MNAT1: variants seen among roughly 807,000 people sequenced by gnomAD.
MNAT1 encodes CDK-activating kinase assembly factor MAT1.
A neutral mutation model predicts 42.0 loss-of-function variants in MNAT1; 43 were observed. The observed-to-expected ratio is 1.02, with a 90% CI of 0.80 to 1.32. The LOEUF is 1.32. Among genes scored for constraint, MNAT1 ranks in the 40% most tolerant of loss-of-function variants. The pLI is 0.00. For missense variants in MNAT1, 306 were observed against 350.4 expected (o/e 0.87, Z 1.01); for synonymous variants, 118 against 120.0 (o/e 0.98, Z 0.11).
At chr14:60,829,763 G>C (rs879318120) in intron 6 of MNAT1, among the ~76,000 whole-genome samples, 1 of 152,168 alleles carries the variant, frequency 6.6e-6, no homozygotes, top group Admixed American at 6.5e-5. Flanking sequence ...TCTTAGCCTA[G>C]GATGTAGAAA....
rs78955844 is a variant in MNAT1, at chr14:60,794,071, T to G, written c.90-2146T>G. 2.9e-3 allele frequency among the ~76,000 whole-genome samples: 436 copies of G among 152,304 alleles called. 2 individuals carry two copies. The highest frequency in any genetic ancestry group is 0.01 in the African/African-American group (428 of 41,566). ...TTCTATATTACCTTGCTGACTAAAC[T>G]ATTGATTGAGTCTAATCTCCAAGAC... is the stretch of plus-strand genomic sequence containing the variant. On this transcript the variant is annotated intron_variant, in intron 1 of 7. Coordinates refer to ENST00000261245, the MANE Select transcript of MNAT1 (RefSeq NM_002431.4).
intron 7 of MNAT1, among the ~76,000 whole-genome samples, chr14:60,898,927 TTTTGTA>T (rs1281265009): frequency 6.6e-6 from 1 of 152,172 alleles, no homozygotes; most frequent in African/African-American, 2.4e-5. Flanking sequence ...TTGAGTTGAT[TTTTGTA>T]TATGGTGAGA....
intron 7 of MNAT1, among the ~76,000 whole-genome samples, chr14:60,908,242 T>C (rs531779581): frequency 1.2e-4 from 18 of 152,224 alleles, no homozygotes; most frequent in African/African-American, 4.3e-4. Context: ...AATTTTTTTA[T>C]TGGAATAATT....
chr14:60,922,706 G>A (rs1431500436), intron 7 of MNAT1, among the ~76,000 whole-genome samples: 2 of 152,050 alleles, frequency 1.3e-5, no homozygotes, highest in Non-Finnish European at 2.9e-5. Context: ...TTTCTCTTAA[G>A]GCTAGGAAAT....
intron 6 of MNAT1, among the ~76,000 whole-genome samples, chr14:60,829,274 T>C (rs1013164406): frequency 2.0e-5 from 3 of 152,100 alleles, no homozygotes; most frequent in Admixed American, 6.6e-5. Flanking sequence ...TACCAGGAAA[T>C]GGGATGAAAA....
At chr14:60,809,549 A>G (rs532484183) in intron 4 of MNAT1, among the ~76,000 whole-genome samples, 1 of 152,216 alleles carries the variant, frequency 6.6e-6, no homozygotes, top group Non-Finnish European at 1.5e-5. Context: ...GGTATTACAG[A>G]TGTGAGCCAC....
At chr14:60,892,035 A>C (rs1044546975) in intron 7 of MNAT1, among the ~76,000 whole-genome samples, 3 of 152,092 alleles carry the variant, frequency 2.0e-5, no homozygotes, top group Non-Finnish European at 4.4e-5. Context: ...CAATTTTTTA[A>C]AAATTTATTA....
chr14:60,943,053 C>CTTTTTTT (rs377454616), intron 7 of MNAT1, among the ~76,000 whole-genome samples: 1 of 53,102 alleles, frequency 1.9e-5, no homozygotes. Context: ...TGTGTGTGCG[C>CTTTTTTT]TTTTTTTTTT....
chr14:60,879,488 A>G (rs2139462253), intron 6 of MNAT1, among the ~76,000 whole-genome samples: 1 of 152,308 alleles, frequency 6.6e-6, no homozygotes, highest in South Asian at 2.1e-4. Context: ...CTAAATCTGA[A>G]TTTAATGATG....
At position 60,909,151 on chromosome 14, in the gene MNAT1, C is replaced by T. The variant is rs534939828; in HGVS notation, c.809+29316C>T. Among the ~76,000 whole-genome samples the T allele has an allele frequency of 2.0e-5, 3 of 152,310 alleles. No individual in the cohort carries two copies. In the East Asian group the frequency reaches 5.8e-4, roughly 29 times the overall value. ...GAGAAGTGTGTGTTCATATCCTTCA[C>T]CCACTTTTTGATGGGGTTTTTTGTT... is the stretch of plus-strand genomic sequence containing the variant. On this transcript the variant is annotated intron_variant, in intron 7 of 7. Transcript: ENST00000261245.
At chr14:60,918,311 C>A (rs540194284) in intron 7 of MNAT1, among the ~76,000 whole-genome samples, 22 of 147,382 alleles carry the variant, frequency 1.5e-4, no homozygotes, top group African/African-American at 5.2e-4. Context: ...CGGGTTCACG[C>A]CATTCTCCTG....
intron 7 of MNAT1, among the ~76,000 whole-genome samples, chr14:60,937,062 T>C (rs1193141213): frequency 6.6e-6 from 1 of 151,786 alleles, no homozygotes; most frequent in Non-Finnish European, 1.5e-5. Context: ...CACCCACTTG[T>C]TGATGGGGTT....
chr14:60,816,140 C>T (rs1281150614), intron 5 of MNAT1, among the ~76,000 whole-genome samples: 3 of 151,786 alleles, frequency 2.0e-5, no homozygotes, highest in African/African-American at 4.8e-5. Context: ...AATTTTTTTC[C>T]TCCTGTTTTT....
At position 60,907,918 on chromosome 14, in the gene MNAT1, T is replaced by A. The variant is rs144900857; in HGVS notation, c.809+28083T>A. ...GCCAAACTCATCCTTATCACTAAGA[T>A]ATTTCCTAGTTATCTGAATATCTGT... On this transcript the variant is annotated intron_variant, in intron 7 of 7. Transcript: ENST00000261245. Among the ~76,000 whole-genome samples the A allele has an allele frequency of 1.6e-3, 242 of 152,128 alleles. 2 individuals are homozygous for A. The highest frequency in any genetic ancestry group is 2.8e-3 in the Non-Finnish European group (189 of 68,000).
At chr14:60,760,176 C>T (rs1358709595) in intron 1 of MNAT1, among the ~76,000 whole-genome samples, 1 of 152,068 alleles carries the variant, frequency 6.6e-6, no homozygotes, top group African/African-American at 2.4e-5. Context: ...GAAATGGAAT[C>T]ATACTATACC....
chr14:60,775,249 TG>T (rs2031207751), intron 1 of MNAT1, among the ~76,000 whole-genome samples: 1 of 151,892 alleles, frequency 6.6e-6, no homozygotes. Flanking sequence ...TGCTAAGAGG[TG>T]GTATTGGATG....
At chr14:60,836,509 T>C (rs1308052677) in intron 6 of MNAT1, among the ~76,000 whole-genome samples, 1 of 152,248 alleles carries the variant, frequency 6.6e-6, no homozygotes, top group Non-Finnish European at 1.5e-5. Context: ...GCTGCAGGTC[T>C]GCTGGAGTTT....
chr14:60,902,947 GA>G (rs200425704), intron 7 of MNAT1, among the ~76,000 whole-genome samples: 2 of 151,686 alleles, frequency 1.3e-5, no homozygotes, highest in African/African-American at 4.8e-5. Flanking sequence ...TCAGTCAGCT[GA>G]AAAAAAATTT....
intron 1 of MNAT1, among the ~76,000 whole-genome samples, chr14:60,785,509 A>G (rs2031619485): frequency 6.6e-6 from 1 of 152,166 alleles, no homozygotes; most frequent in Non-Finnish European, 1.5e-5. Context: ...CAAAAATGAG[A>G]ACATTGTATT....
Sources: gnomAD v4.1 joint callset for allele counts (sites outside exome capture counted in the v4.1 genomes callset) on GRCh38, gnomAD v4.1.1 for gene constraint, MANE v1.5 for transcripts, NCBI Gene and HGNC (gene_info 2026-07-23, HGNC 2026-07-21) for gene names.